ARHGEF11: variants seen among roughly 807,000 people sequenced by gnomAD.
The protein encoded by ARHGEF11 is Rho guanine nucleotide exchange factor 11, also known as Rho guanine exchange factor (GEF) 11.
Under a neutral mutation model 193.7 loss-of-function variants are expected in ARHGEF11, and 55 were observed. That is an observed-to-expected ratio of 0.28 (90% CI 0.23 to 0.36). ARHGEF11 has a LOEUF of 0.36. Ranked by LOEUF, ARHGEF11 falls within the 10% of genes least tolerant of loss-of-function variation. The pLI is 1.00. For synonymous variants in ARHGEF11, 693 were observed against 768.0 expected (o/e 0.90, Z 1.62); for missense variants, 1,723 against 2,005.6 (o/e 0.86, Z 2.69).
chr1:156,939,790 G>C lies in ARHGEF11; in HGVS notation c.3854C>G (p.Ser1285Cys). 1 of 1,613,944 alleles carries C rather than the reference G, an allele frequency of 6.2e-7. No individual in the cohort carries two copies. The change falls in exon 37 of 41, where the codon TCT (serine) becomes TGT (cysteine). Residue 1285 changes from serine (S) to cysteine (C), a missense_variant. Physicochemically the swap from Ser to Cys is moderately radical, Grantham distance 112 (BLOSUM62 -1). Around this residue, in one of 5 missense-constraint regions of ARHGEF11, gnomAD observed 203 missense variants for 237.3 expected, o/e 0.86. Transcript: ENST00000368194. ...TGGGGAGCCTGGGTCCCAGGGGTGA[G>C]AGGTGACGCTGATGACAGAAGGTGT... is the stretch of plus-strand genomic sequence containing the variant. ...TPTPSVISVT[S>C]HPWDPGSPGQ...
chr1:156,959,549 C>T (rs1169556017), intron 15 of ARHGEF11, among the ~76,000 whole-genome samples: 1 of 152,170 alleles, frequency 6.6e-6, no homozygotes, highest in African/African-American at 2.4e-5. Context: ...AACCTGAGCT[C>T]CCCAGTAGAA....
rs561009687 is a variant in ARHGEF11, at chr1:156,959,197, G to T, written c.1283-55C>A. The T allele has an allele frequency of 2.7e-5, 40 of 1,479,992 alleles. No homozygotes were observed. The South Asian group carries it at 4.0e-4, about 15-fold the overall frequency. 91.7% of individuals were successfully genotyped at this position (1,479,992 alleles called of 1,614,324 possible). A position where few individuals can be genotyped will look rare whatever the true frequency, so the allele number is the denominator to read the frequency against. Reference sequence around the variant, plus strand: ...GGATGGGGTACTGGGGGTGGAGGGGGATCCCTTCTGCTGAGCATCTCAAGG... The same window carrying T: ...GGATGGGGTACTGGGGGTGGAGGGGTATCCCTTCTGCTGAGCATCTCAAGG... On this transcript the variant is annotated intron_variant, in intron 15 of 40. Coordinates refer to ENST00000368194, the MANE Select transcript of ARHGEF11 (RefSeq NM_198236.3).
Position 156,947,577 on chromosome 1 carries a change from C to T in ARHGEF11, c.2342-127G>A, listed in dbSNP as rs988865597. ...GGGAACTGAAGTGCCAGTTTCAGAT[C>T]ATACAGCAACTTTTCTCTTACTCCA... On this transcript the variant is annotated intron_variant, in intron 25 of 40. Coordinates refer to ENST00000368194, the MANE Select transcript of ARHGEF11 (RefSeq NM_198236.3). 14 of 1,353,672 alleles carry T rather than the reference C, an allele frequency of 1.0e-5. No homozygotes were observed. The African/African-American group carries it at 2.1e-4, about 20-fold the overall frequency. The allele number at this position is 1,353,672 out of a possible 1,614,324, so 83.9% of individuals were successfully genotyped here.
chr1:157,019,403 T>C (rs1669685320), intron 1 of ARHGEF11, among the ~76,000 whole-genome samples: 3 of 152,212 alleles, frequency 2.0e-5, no homozygotes, highest in Non-Finnish European at 4.4e-5. Context: ...TTGACCAGGA[T>C]ATAGAACAAC....
At chr1:156,962,996 C>A (rs1035771964) in intron 13 of ARHGEF11, among the ~76,000 whole-genome samples, 3 of 151,488 alleles carry the variant, frequency 2.0e-5, no homozygotes, top group African/African-American at 2.4e-5. Flanking sequence ...CCTCCCTAGG[C>A]AGCTGATGTA....
At chr1:156,945,247 A>G (rs1380714845) in intron 29 of ARHGEF11, 50 bp from the exon 30 acceptor site, 2 of 1,574,418 alleles carry the variant, frequency 1.3e-6, no homozygotes, top group Non-Finnish European at 8.6e-7. Flanking sequence ...TGAGAAGTCC[A>G]ACATGGCGCC....
rs753395645 is a variant in ARHGEF11, at chr1:156,963,598, G to C, written c.964-4C>G. 6.2e-7 allele frequency: 1 copy of C among 1,613,464 alleles called. No homozygotes were observed. On this transcript the variant is annotated splice_region_variant and splice_polypyrimidine_tract_variant and intron_variant, in intron 11 of 40. Coordinates refer to ENST00000368194, the MANE Select transcript of ARHGEF11 (RefSeq NM_198236.3). The stretch of plus-strand genomic sequence containing the variant: ...GCTTTGGGCTTTGATCTACACCCTG[G>C]GGGAGAGAGTCAAATTGCAGAGATG...
chr1:157,028,611 T>C (rs1378000142), intron 1 of ARHGEF11, among the ~76,000 whole-genome samples: 3 of 152,094 alleles, frequency 2.0e-5, no homozygotes, highest in South Asian at 2.1e-4. Context: ...CACTTTACAA[T>C]TGATAAAACT....
At chr1:156,997,809 G>A (rs1036381346) in intron 1 of ARHGEF11, among the ~76,000 whole-genome samples, 4 of 150,252 alleles carry the variant, frequency 2.7e-5, no homozygotes, top group Non-Finnish European at 4.4e-5. Context: ...TGAATATATT[G>A]GGTTAAATGA....
chr1:156,976,956 C>T, intron 7 of ARHGEF11, 27 bp downstream of exon 7: 1 of 1,600,384 alleles, frequency 6.2e-7, no homozygotes, highest in Non-Finnish European at 8.6e-7. Context: ...CAGGCAATGG[C>T]CAGTCTACCC....
Position 156,945,147 on chromosome 1 carries a change from C to G in ARHGEF11, c.2863G>C (p.Glu955Gln). Residue 955 changes from glutamate (E) to glutamine (Q), a missense_variant, in exon 30 of 41, where the codon GAG (glutamate) becomes CAG (glutamine). Around this residue, in one of 5 missense-constraint regions of ARHGEF11, gnomAD observed 491 missense variants for 654.5 expected, o/e 0.75. Coordinates refer to ENST00000368194, the MANE Select transcript of ARHGEF11 (RefSeq NM_198236.3). ...KLCRARDQCR[E>Q]ILKYVNEAVK... is the part of the protein sequence containing the mutation. ...GCTTCATTCACATACTTGAGAATCTCCCGGCACTGGTCCCGGGCCCGGCAC... is the reference window on the plus strand; with the variant it reads ...GCTTCATTCACATACTTGAGAATCTGCCGGCACTGGTCCCGGGCCCGGCAC... 1 of 1,614,196 alleles carries G rather than the reference C, an allele frequency of 6.2e-7. No homozygotes were observed. The highest frequency in any genetic ancestry group is 8.5e-7 in the Non-Finnish European group (1 of 1,180,016).
intron 1 of ARHGEF11, among the ~76,000 whole-genome samples, chr1:157,039,518 T>C (rs567845396): frequency 1.3e-5 from 2 of 152,292 alleles, no homozygotes; most frequent in South Asian, 4.1e-4. Context: ...TTTTTTCTTT[T>C]TGAGACCAGG....
intron 1 of ARHGEF11, among the ~76,000 whole-genome samples, chr1:157,029,103 G>A (rs1243194084): frequency 6.7e-6 from 1 of 150,150 alleles, no homozygotes; most frequent in African/African-American, 2.5e-5. Flanking sequence ...GGAGGTCAAG[G>A]CAGCAGTAAG....
Position 156,948,119 on chromosome 1 carries a change from C to G in ARHGEF11, c.2153+62G>C, listed in dbSNP as rs973935280. On this transcript the variant is annotated intron_variant, in intron 24 of 40. Coordinates refer to ENST00000368194, the MANE Select transcript of ARHGEF11 (RefSeq NM_198236.3). The surrounding 1 kb of genome is among the most constrained non-coding windows in gnomAD (Gnocchi z 4.2). ...ACCAGCCCCTTGCAGGTGAGAGGAGCAGCTGGGTGTGGATGGGACACAGAG... is the reference window on the plus strand; with the variant it reads ...ACCAGCCCCTTGCAGGTGAGAGGAGGAGCTGGGTGTGGATGGGACACAGAG... 8.1e-5 allele frequency: 125 copies of G among 1,538,308 alleles called. No homozygotes were observed. The highest frequency in any genetic ancestry group is 1.1e-4 in the Non-Finnish European group (120 of 1,139,384).
upstream of ARHGEF11, among the ~76,000 whole-genome samples, chr1:157,045,826 G>GC (rs1260666596): frequency 2.0e-5 from 3 of 150,646 alleles, no homozygotes; most frequent in South Asian, 6.2e-4. Context: ...CCGGCCGGCC[G>GC]CCCCCCTTCC....
At chr1:156,936,517 TATATATATAAA>T (rs1655342050) in intron 40 of ARHGEF11, among the ~76,000 whole-genome samples, 1 of 126,014 alleles carries the variant, frequency 7.9e-6, no homozygotes, top group African/African-American at 3.4e-5. Context: ...TATATATATA[TATATATATAAA>T]ATTAAAAAAA....
At position 157,033,280 on chromosome 1, in the gene ARHGEF11, A is replaced by G. The variant is rs371422158; in HGVS notation, c.32+11019T>C. ...TTTTTTTTATTGAATAGTACTATGC[A>G]GTAGCCCAAGAGAAGGGTAAGGGTA... On this transcript the variant is annotated intron_variant, in intron 1 of 40. Coordinates refer to ENST00000368194, the MANE Select transcript of ARHGEF11 (RefSeq NM_198236.3). Among the ~76,000 whole-genome samples the G allele has an allele frequency of 1.1e-4, 17 of 152,140 alleles. No individual in the cohort carries two copies. In the East Asian group the frequency reaches 3.3e-3, roughly 29 times the overall value.
intron 11 of ARHGEF11, 102 bp downstream of exon 11, chr1:156,967,885 G>T: frequency 6.5e-7 from 1 of 1,544,274 alleles, no homozygotes; most frequent in South Asian, 1.1e-5. Flanking sequence ...GCTGAAGCAG[G>T]GGTTTAGTCT....
chr1:156,985,050 A>G (rs1231930410), intron 2 of ARHGEF11, among the ~76,000 whole-genome samples: 2 of 152,026 alleles, frequency 1.3e-5, no homozygotes, highest in Non-Finnish European at 2.9e-5. Context: ...ATTAAAAAAC[A>G]AAAAGAAACA....
Sources: gnomAD v4.1 joint callset for allele counts (sites outside exome capture counted in the v4.1 genomes callset) on GRCh38, gnomAD v4.1.1 for gene constraint, gnomAD v4.1.1 regional missense constraint, Gnocchi (gnomAD v3.1) non-coding constraint, MANE v1.5 for transcripts, NCBI Gene and HGNC (gene_info 2026-07-23, HGNC 2026-07-21) for gene names.